RGS7BP: variants seen among roughly 807,000 people sequenced by gnomAD.
RGS7BP encodes the protein regulator of G protein signaling 7 binding protein.
In RGS7BP, 9 loss-of-function variants were observed where a neutral mutation model predicts 31.3. The observed-to-expected ratio is 0.29, with a 90% confidence interval of 0.17 to 0.50. The LOEUF is 0.50. RGS7BP is among the 20% of genes least tolerant of loss of function. The pLI is 0.98. For missense variants in RGS7BP, 274 were observed against 322.0 expected (o/e 0.85, Z 1.14); for synonymous variants, 115 against 120.1 (o/e 0.96, Z 0.28).
chr5:64,540,757 A>C (rs113649360), intron 2 of RGS7BP, among the ~76,000 whole-genome samples: 2 of 152,362 alleles, frequency 1.3e-5, no homozygotes, highest in African/African-American at 4.8e-5. Flanking sequence ...GTGGGAAGAC[A>C]GGATGGCTTT....
chr5:64,507,791 C>G lies in RGS7BP; in HGVS notation c.246C>G (p.Pro82=), dbSNP rs764785198. The change falls in exon 2 of 6, where the codon CCC becomes CCG. Residue 82 remains proline (P), a synonymous_variant. Transcript: ENST00000334025. ...ISIGDVSVSC[P]SLRAEMHKTR... is the part of the protein sequence containing the mutation. ...TTGGGGATGTCTCGGTCAGCTGCCCCTCACTCCGGGCGGAAATGCACAAGA... is the reference window on the plus strand; with the variant it reads ...TTGGGGATGTCTCGGTCAGCTGCCCGTCACTCCGGGCGGAAATGCACAAGA... The G allele has an allele frequency of 6.2e-7, 1 of 1,613,976 alleles. No homozygotes were observed. Among genetic ancestry groups the G allele is most frequent in the East Asian group, 2.2e-5 (1 of 44,870 alleles).
At chr5:64,602,323 C>T (rs1394907890) in intron 5 of RGS7BP, among the ~76,000 whole-genome samples, 1 of 152,196 alleles carries the variant, frequency 6.6e-6, no homozygotes, top group Non-Finnish European at 1.5e-5. Flanking sequence ...TTACCAGTAG[C>T]CCCATATCCT....
intron 2 of RGS7BP, among the ~76,000 whole-genome samples, chr5:64,562,820 A>G (rs1043446970): frequency 6.6e-6 from 1 of 152,174 alleles, no homozygotes; most frequent in African/African-American, 2.4e-5. Flanking sequence ...GTCAGCCTTG[A>G]AAGTTCAGTT....
chr5:64,599,234 A>G (rs748505701), intron 5 of RGS7BP, among the ~76,000 whole-genome samples: 7 of 152,244 alleles, frequency 4.6e-5, no homozygotes, highest in East Asian at 1.9e-4. Flanking sequence ...AAGTGCTTAC[A>G]TTAAGTATAC....
intron 2 of RGS7BP, among the ~76,000 whole-genome samples, chr5:64,569,325 G>A (rs1364686108): frequency 6.6e-6 from 1 of 151,986 alleles, no homozygotes; most frequent in Non-Finnish European, 1.5e-5. Context: ...TCCACCTAAA[G>A]CACAAGTTTC....
intron 5 of RGS7BP, among the ~76,000 whole-genome samples, chr5:64,603,169 C>T (rs551467210): frequency 5.6e-4 from 86 of 152,228 alleles, no homozygotes; most frequent in Non-Finnish European, 9.7e-4. Context: ...GTGAGAAATG[C>T]TTAAGATCTC....
chr5:64,512,708 T>A (rs1434766965), intron 2 of RGS7BP, among the ~76,000 whole-genome samples: 1 of 152,196 alleles, frequency 6.6e-6, no homozygotes, highest in Non-Finnish European at 1.5e-5. Context: ...TCCAAATAAA[T>A]ACTTTGGCTG....
chr5:64,596,233 G>A (rs748123207), intron 4 of RGS7BP, among the ~76,000 whole-genome samples: 46 of 152,182 alleles, frequency 3.0e-4, no homozygotes, highest in Non-Finnish European at 5.1e-4. Context: ...CAGCCTGAAA[G>A]CCCAGATTCT....
chr5:64,588,464 C>G (rs1483058704), intron 3 of RGS7BP, among the ~76,000 whole-genome samples: 1 of 152,130 alleles, frequency 6.6e-6, no homozygotes, highest in Non-Finnish European at 1.5e-5. Flanking sequence ...CAGGGTTCTC[C>G]CCTCCTGTCA....
chr5:64,544,959 G>C (rs1319937580), intron 2 of RGS7BP, among the ~76,000 whole-genome samples: 1 of 152,100 alleles, frequency 6.6e-6, no homozygotes, highest in African/African-American at 2.4e-5. Context: ...GGTAAATCAC[G>C]AGGTCAGGAG....
chr5:64,578,125 AT>A (rs1742485433), intron 3 of RGS7BP, among the ~76,000 whole-genome samples: 1 of 152,184 alleles, frequency 6.6e-6, no homozygotes, highest in Admixed American at 6.5e-5. Flanking sequence ...GCATTTGGTC[AT>A]TTCACGCAAA....
chr5:64,579,582 A>AAGAAT (rs1329255008), intron 3 of RGS7BP, among the ~76,000 whole-genome samples: 4 of 151,302 alleles, frequency 2.6e-5, no homozygotes, highest in Middle Eastern at 3.4e-3. Flanking sequence ...AAGAAAAGAA[A>AAGAAT]AGAAATATAT....
rs374779957 is a variant in RGS7BP, at chr5:64,521,704, T to G, written c.332+13827T>G. On this transcript the variant is annotated intron_variant, in intron 2 of 5. Transcript: ENST00000334025. Reference sequence around the variant, plus strand: ...ATTTTCCCTTACCCTCGCCAAAATATTGCTGAGGTAGGAAAAGTTTAGGTA... The same window carrying G: ...ATTTTCCCTTACCCTCGCCAAAATAGTGCTGAGGTAGGAAAAGTTTAGGTA... Among the ~76,000 whole-genome samples, 11 of 152,322 alleles carry G rather than the reference T, an allele frequency of 7.2e-5. No individual in the cohort carries two copies. In the East Asian group the frequency reaches 1.4e-3, roughly 19 times the overall value.
chr5:64,507,968 C>G, intron 2 of RGS7BP, 91 bp downstream of exon 2: 1 of 1,080,642 alleles, frequency 9.3e-7, no homozygotes, highest in Non-Finnish European at 1.3e-6. Flanking sequence ...GACATGATCT[C>G]CACATATTTG....
chr5:64,538,546 C>CTTTTTTTTTTTTTTTTT lies in RGS7BP; in HGVS notation c.332+30681_332+30697dup, dbSNP rs1191560944. On this transcript the variant is annotated intron_variant, in intron 2 of 5. Transcript: ENST00000334025. ...TTCTTTTCTTTTTTTTTTTCCTTTT[C>CTTTTTTTTTTTTTTTTT]TTTTTTTTTTTTTTTTTTTTTTTTT... Among the ~76,000 whole-genome samples, 12 of 40,034 alleles carry CTTTTTTTTTTTTTTTTT rather than the reference C, an allele frequency of 3.0e-4. 2 individuals carry two copies. Among genetic ancestry groups the CTTTTTTTTTTTTTTTTT allele is most frequent in the African/African-American group, 1.1e-3 (10 of 8,976 alleles). 26.3% of individuals were successfully genotyped at this position (40,034 alleles called of 152,430 possible). A position where few individuals can be genotyped will look rare whatever the true frequency, so the allele number is the denominator to read the frequency against.
intron 2 of RGS7BP, among the ~76,000 whole-genome samples, chr5:64,527,936 A>T (rs1445180746): frequency 6.6e-6 from 1 of 152,206 alleles, no homozygotes; most frequent in Non-Finnish European, 1.5e-5. Flanking sequence ...AAGAGAGAGA[A>T]AAAATCTATC....
chr5:64,571,819 T>G (rs1742307009), intron 2 of RGS7BP, among the ~76,000 whole-genome samples: 1 of 152,136 alleles, frequency 6.6e-6, no homozygotes, highest in African/African-American at 2.4e-5. Flanking sequence ...TATAATTTGG[T>G]CATTATTTTA....
intron 2 of RGS7BP, among the ~76,000 whole-genome samples, chr5:64,549,583 T>G (rs1158521067): frequency 6.6e-6 from 1 of 152,250 alleles, no homozygotes; most frequent in Non-Finnish European, 1.5e-5. Flanking sequence ...CATGGCTGAA[T>G]AGCTTGATCA....
chr5:64,552,442 T>C (rs1004523879), intron 2 of RGS7BP, among the ~76,000 whole-genome samples: 1 of 151,182 alleles, frequency 6.6e-6, no homozygotes, highest in Non-Finnish European at 1.5e-5. Context: ...AAGTATCTTA[T>C]TGAATTTGAG....
Sources: gnomAD v4.1 joint callset for allele counts (sites outside exome capture counted in the v4.1 genomes callset) on GRCh38, gnomAD v4.1.1 for gene constraint, MANE v1.5 for transcripts, NCBI Gene and HGNC (gene_info 2026-07-23, HGNC 2026-07-21) for gene names.